Variants in WDR45B observed in about 807,000 individuals in gnomAD.
WDR45B encodes the protein WD repeat domain 45B.
A neutral mutation model predicts 44.6 loss-of-function variants in WDR45B; 20 were observed. The ratio of observed to expected loss-of-function variants is 0.45; its 90% CI spans 0.32 to 0.65. The LOEUF (loss-of-function observed/expected upper bound fraction) is 0.65, where lower values mean the gene tolerates loss of function less well. Among genes scored for constraint, WDR45B ranks in the 30% least tolerant of loss-of-function variants. WDR45B has a pLI of 0.05. For missense variants in WDR45B, 323 were observed against 430.2 expected (o/e 0.75, Z 2.20); for synonymous variants, 169 against 164.9 (o/e 1.02, Z -0.19).
At chr17:82,632,983 T>C (rs1162881735) in intron 2 of WDR45B, among the ~76,000 whole-genome samples, 1 of 152,056 alleles carries the variant, frequency 6.6e-6, no homozygotes, top group African/African-American at 2.4e-5. Context: ...GCCAACATAG[T>C]GAAACTCCGT....
chr17:82,626,920 G>C (rs997678650), intron 4 of WDR45B: 3 of 494,590 alleles, frequency 6.1e-6, no homozygotes, highest in Middle Eastern at 1.2e-3. Context: ...ATGTCGGAAT[G>C]GGACATAACT....
intron 5 of WDR45B, 126 bp from the exon 6 acceptor site, chr17:82,621,925 A>G (rs1436335678): frequency 7.3e-6 from 8 of 1,098,164 alleles, no homozygotes; most frequent in Non-Finnish European, 1.1e-5. Context: ...AGAACCACAA[A>G]TTCAATTTAA....
chr17:82,633,970 G>A (rs2045800663), intron 2 of WDR45B, among the ~76,000 whole-genome samples: 1 of 151,616 alleles, frequency 6.6e-6, no homozygotes, highest in Non-Finnish European at 1.5e-5. Flanking sequence ...CCAACATGGT[G>A]AAACCTCGTC....
At chr17:82,618,944 G>C in intron 7 of WDR45B, 99 bp downstream of exon 7, 1 of 1,075,838 alleles carries the variant, frequency 9.3e-7, no homozygotes, top group Non-Finnish European at 1.4e-6. Flanking sequence ...CTTATTCGGG[G>C]GAGGGTGGCT....
intron 4 of WDR45B, among the ~76,000 whole-genome samples, chr17:82,626,532 C>CCAAAAAAAA (rs2045699847): frequency 5.2e-5 from 1 of 19,082 alleles, no homozygotes; most frequent in African/African-American, 7.3e-4. Flanking sequence ...ACTCTATCTC[C>CCAAAAAAAA]CAAAAAAAAA....
chr17:82,619,131 T>C lies in WDR45B; in HGVS notation c.619-3A>G. On this transcript the variant is annotated splice_region_variant and splice_polypyrimidine_tract_variant and intron_variant, in intron 6 of 9. Transcript: ENST00000392325. ...TCAAATATTCTTATAAGCGTCCCCT[T>C]TGAAAAACAGTGAAGTGTTTCATTA... 2 of 1,613,956 alleles carry C rather than the reference T, an allele frequency of 1.2e-6. No individual in the cohort carries two copies. Among genetic ancestry groups the C allele is most frequent in the Non-Finnish European group, 1.7e-6 (2 of 1,179,794 alleles).
intron 3 of WDR45B, chr17:82,629,738 T>A: frequency 1.0e-6 from 1 of 985,562 alleles, no homozygotes. Flanking sequence ...TGCTGAGAAC[T>A]GTGAGCTGGG....
chr17:82,616,478 C>CCAGGTGGGG, intron 9 of WDR45B, 46 bp downstream of exon 9: 1 of 1,612,252 alleles, frequency 6.2e-7, no homozygotes, highest in East Asian at 2.2e-5. Context: ...TGGATGGAGC[C>CCAGGTGGGG]CAGGTGGGGC....
rs1355507807 is a variant in WDR45B, at chr17:82,648,284, G to T, written c.57C>A (p.Asn19Lys). ...GCCGCGCCTCCTCACCGTGGTCCTG[G>T]TTGAAGCCGGCGTAGAGCAGCCCGT... ...HGNGLLYAGFNQDHGCFACGM... is the reference protein window; with the variant it reads ...HGNGLLYAGFKQDHGCFACGM... Residue 19 changes from asparagine to lysine, a missense_variant, in exon 1 of 10, where the codon AAC (asparagine) becomes AAA (lysine). Physicochemically the swap from Asn to Lys is moderately conservative, Grantham distance 94. Coordinates refer to ENST00000392325, the MANE Select transcript of WDR45B (RefSeq NM_019613.4). The T allele has an allele frequency of 6.2e-7, 1 of 1,606,698 alleles. No homozygotes were observed.
chr17:82,624,834 G>T (rs1343009527), intron 5 of WDR45B, among the ~76,000 whole-genome samples: 1 of 149,542 alleles, frequency 6.7e-6, no homozygotes, highest in Non-Finnish European at 1.5e-5. Context: ...TAGCCAGGAT[G>T]GTCTTAATCT....
intron 3 of WDR45B, among the ~76,000 whole-genome samples, chr17:82,630,372 C>G (rs1472405003): frequency 2.6e-5 from 4 of 151,804 alleles, no homozygotes; most frequent in African/African-American, 9.7e-5. Context: ...GCCTTGAGCC[C>G]TCTTTCCTCA....
At position 82,617,354 on chromosome 17, in the gene WDR45B, C is replaced by T. The variant is rs762932959; in HGVS notation, c.748G>A (p.Asp250Asn). The change falls in exon 8 of 10, where the codon GAC becomes AAC. Residue 250 changes from aspartate to asparagine, a missense_variant. Coordinates refer to ENST00000392325, the MANE Select transcript of WDR45B (RefSeq NM_019613.4). ...GCAAAAATATGCACTGTGCCGTGGT[C>T]GCTGGATACGCAGATGAGGGACGCA... ...QDASLICVSS[D>N]HGTVHIFAAE... The T allele has an allele frequency of 1.1e-5, 18 of 1,613,886 alleles. No homozygotes were observed. The highest frequency in any genetic ancestry group is 1.4e-5 in the Non-Finnish European group (17 of 1,180,006).
intron 2 of WDR45B, among the ~76,000 whole-genome samples, chr17:82,640,682 G>A (rs867659942): frequency 6.6e-6 from 1 of 152,164 alleles, no homozygotes; most frequent in African/African-American, 2.4e-5. Flanking sequence ...AGCAGCAGAT[G>A]AGTCTGTAAG....
rs557620024 is a variant in WDR45B, at chr17:82,615,379, C to T, written c.*540G>A. The T allele has an allele frequency of 7.2e-5, 13 of 179,662 alleles. No individual in the cohort carries two copies. In the South Asian group the frequency reaches 1.4e-3, roughly 20 times the overall value. The allele number at this position is 179,662 out of a possible 1,614,324, so 11.1% of individuals were successfully genotyped here. On this transcript the variant is annotated 3_prime_UTR_variant, in exon 10 of 10. Transcript: ENST00000392325. ...AGGGGAAACATTCACACTGTGTTCT[C>T]TCTACAGGGTCAGGTCATTTTTCTT...
chr17:82,640,795 G>A (rs2045904424), intron 2 of WDR45B, among the ~76,000 whole-genome samples: 1 of 152,116 alleles, frequency 6.6e-6, no homozygotes, highest in African/African-American at 2.4e-5. Context: ...GGAAACGGGA[G>A]CACACCACAC....
intron 2 of WDR45B, among the ~76,000 whole-genome samples, chr17:82,638,857 T>C (rs1221372683): frequency 1.3e-5 from 2 of 152,044 alleles, no homozygotes; most frequent in Non-Finnish European, 2.9e-5. Context: ...AGAGTCTCGC[T>C]CTGTCACCAG....
At chr17:82,624,354 C>T (rs147721183) in intron 5 of WDR45B, among the ~76,000 whole-genome samples, 1,678 of 143,298 alleles carry the variant, frequency 0.012, 8 homozygotes, top group South Asian at 0.033. Flanking sequence ...CTCCGCCTCC[C>T]GGGTTCAAGC....
At position 82,643,029 on chromosome 17, in the gene WDR45B, T is replaced by C. The variant is rs369830380; in HGVS notation, c.142+920A>G. ...ATACAGTGTATGTGGCATCATACACTCCACAGCACCTAATGTGCGCGCAGG... is the reference window on the plus strand; with the variant it reads ...ATACAGTGTATGTGGCATCATACACCCCACAGCACCTAATGTGCGCGCAGG... On this transcript the variant is annotated intron_variant, in intron 2 of 9. Transcript: ENST00000392325. Among the ~76,000 whole-genome samples, 88 of 152,352 alleles carry C rather than the reference T, an allele frequency of 5.8e-4. No individual in the cohort carries two copies. The South Asian group carries it at 0.01, about 18-fold the overall frequency.
At chr17:82,631,277 A>AATTT (rs1251157215) in intron 2 of WDR45B, among the ~76,000 whole-genome samples, 2 of 86,846 alleles carry the variant, frequency 2.3e-5, no homozygotes, top group Non-Finnish European at 4.2e-5. Flanking sequence ...TACAGGACTC[A>AATTT]TTTTTTTTTT....
Sources: gnomAD v4.1 joint callset for allele counts (sites outside exome capture counted in the v4.1 genomes callset) on GRCh38, gnomAD v4.1.1 for gene constraint, MANE v1.5 for transcripts, NCBI Gene and HGNC (gene_info 2026-07-23, HGNC 2026-07-21) for gene names.